SLC14A2: variants seen among roughly 807,000 people sequenced by gnomAD.
SLC14A2 encodes the protein solute carrier family 14 member 2.
Under a neutral mutation model 104.6 loss-of-function variants are expected in SLC14A2, and 91 were observed. The ratio of observed to expected loss-of-function variants is 0.87; its 90% CI spans 0.73 to 1.04. The LOEUF is 1.04. Ranked by LOEUF, SLC14A2 falls within the 50% of genes least tolerant of loss-of-function variation. SLC14A2 has a pLI of 0.00. For missense variants in SLC14A2, 1,189 were observed against 1,156.0 expected, an observed-to-expected ratio of 1.03 and a Z score of -0.41; for synonymous variants, 476 against 466.4, an observed-to-expected ratio of 1.02 and a Z score of -0.27.
chr18:45,327,845 G>A (rs903945436), intron 1 of SLC14A2, among the ~76,000 whole-genome samples: 5 of 152,162 alleles, frequency 3.3e-5, no homozygotes, highest in African/African-American at 9.7e-5. Context: ...AGGAGTGAGC[G>A]AAGGGAATGA....
intron 1 of SLC14A2, among the ~76,000 whole-genome samples, chr18:45,393,925 T>C (rs2086000098): frequency 6.6e-6 from 1 of 152,150 alleles, no homozygotes; most frequent in South Asian, 2.1e-4. Context: ...GACACCTGAG[T>C]CGTCATCATT....
chr18:45,675,683 T>TTCTATATATATATATATCTATATATATA, intron 18 of SLC14A2, among the ~76,000 whole-genome samples: 1 of 105,002 alleles, frequency 9.5e-6, no homozygotes, highest in African/African-American at 4.1e-5. Context: ...CCCAGCTAAT[T>TTCTATATATATATATATCTATATATATA]TCTATATATA....
chr18:45,334,063 T>G (rs2085314645), intron 1 of SLC14A2, among the ~76,000 whole-genome samples: 1 of 152,236 alleles, frequency 6.6e-6, no homozygotes, highest in South Asian at 2.1e-4. Context: ...GCATCCTATT[T>G]GTTCAGCATC....
chr18:45,636,474 T>A (rs2045418112), intron 5 of SLC14A2, among the ~76,000 whole-genome samples: 1 of 152,226 alleles, frequency 6.6e-6, no homozygotes, highest in Admixed American at 6.5e-5. Context: ...AGGTTCTATT[T>A]TCCCCTGGCA....
the SLC14A2 span, among the ~76,000 whole-genome samples, chr18:45,205,330 T>A: frequency 6.6e-6 from 1 of 152,160 alleles, no homozygotes; most frequent in African/African-American, 2.4e-5. Context: ...TTTAAGCCAG[T>A]GTGGGAAGGA....
chr18:45,667,944 A>T lies in SLC14A2; in HGVS notation c.1829A>T (p.Gln610Leu). The T allele has an allele frequency of 1.9e-6, 3 of 1,614,170 alleles. No homozygotes were observed. Among genetic ancestry groups the T allele is most frequent in the Non-Finnish European group, 2.5e-6 (3 of 1,180,010 alleles). ...GILIILGLFIQNPWWAISGCL... is the reference protein window; with the variant it reads ...GILIILGLFILNPWWAISGCL... Reference sequence around the variant, plus strand: ...CTCATCATCCTCGGCCTCTTCATCCAGAACCCCTGGTGGGCGATCTCAGGC... The same window carrying T: ...CTCATCATCCTCGGCCTCTTCATCCTGAACCCCTGGTGGGCGATCTCAGGC... Residue 610 changes from glutamine (Q) to leucine (L), a missense_variant, in exon 14 of 20, where the codon CAG becomes CTG. Gln to Leu is a moderately radical substitution (Grantham distance 113). Coordinates refer to ENST00000255226, the MANE Select transcript of SLC14A2 (RefSeq NM_007163.4).
chr18:45,665,684 GTTTCTTTT>G (rs2046007662), intron 11 of SLC14A2, among the ~76,000 whole-genome samples: 1 of 73,182 alleles, frequency 1.4e-5, no homozygotes, highest in Non-Finnish European at 2.5e-5. Context: ...CAACAACCAA[GTTTCTTTT>G]TTTTTTTTTT....
chr18:45,667,177 T>G (rs1295472290), intron 13 of SLC14A2, 83 bp downstream of exon 13: 1 of 1,117,508 alleles, frequency 8.9e-7, no homozygotes, highest in Non-Finnish European at 1.3e-6. Flanking sequence ...GCCATGGGGG[T>G]TCCCTATAGA....
chr18:45,446,545 A>G (rs1192678376), intron 1 of SLC14A2, among the ~76,000 whole-genome samples: 2 of 152,222 alleles, frequency 1.3e-5, no homozygotes, highest in East Asian at 3.8e-4. Flanking sequence ...AAGTCATCCA[A>G]TTGATGATAT....
At chr18:45,345,943 G>C (rs571238753) in intron 1 of SLC14A2, among the ~76,000 whole-genome samples, 12 of 152,166 alleles carry the variant, frequency 7.9e-5, no homozygotes, top group Non-Finnish European at 1.2e-4. Context: ...GTAAATGAGA[G>C]TTCCCATCAG....
chr18:45,357,612 G>A (rs970601992), intron 1 of SLC14A2, among the ~76,000 whole-genome samples: 5 of 151,996 alleles, frequency 3.3e-5, no homozygotes, highest in Non-Finnish European at 7.4e-5. Context: ...AGGAAGGGGA[G>A]GAAGGAAAAA....
At chr18:45,631,560 C>A (rs2045346578) in intron 4 of SLC14A2, among the ~76,000 whole-genome samples, 1 of 152,258 alleles carries the variant, frequency 6.6e-6, no homozygotes, top group Non-Finnish European at 1.5e-5. Context: ...CAAAGCTAAA[C>A]CAGCTTATTC....
chr18:45,466,938 C>T (rs551281999), intron 1 of SLC14A2, among the ~76,000 whole-genome samples: 49 of 152,058 alleles, frequency 3.2e-4, no homozygotes, highest in East Asian at 3.1e-3. Context: ...ACCCTTCTCC[C>T]GCGGAGCTCT....
At chr18:45,522,934 T>A (rs72902318) in intron 2 of SLC14A2, among the ~76,000 whole-genome samples, 15,510 of 152,218 alleles carry the variant, frequency 0.1, 855 homozygotes, top group Non-Finnish European at 0.12. Flanking sequence ...GGTTCCCATT[T>A]CTGCTAAGTT....
chr18:45,415,321 T>C (rs942597323), intron 1 of SLC14A2, among the ~76,000 whole-genome samples: 47 of 152,268 alleles, frequency 3.1e-4, no homozygotes, highest in African/African-American at 1.1e-3. Flanking sequence ...TGAGCACTTC[T>C]GTATTGCTCA....
At position 45,636,780 on chromosome 18, in the gene SLC14A2, T is replaced by C. The variant is rs1387143207; in HGVS notation, c.651-210T>C. ...AGCTTATGAAGCAGATGACAATAAA[T>C]TGGCAAAAAAAAAAGAAAAAGGTAA... is the stretch of plus-strand genomic sequence containing the variant. On this transcript the variant is annotated intron_variant, in intron 5 of 19. Coordinates refer to ENST00000255226, the MANE Select transcript of SLC14A2 (RefSeq NM_007163.4). 2.0e-5 allele frequency among the ~76,000 whole-genome samples: 3 copies of C among 151,220 alleles called. No individual in the cohort carries two copies. In the South Asian group the frequency reaches 6.2e-4, roughly 31 times the overall value.
chr18:45,323,522 CCTT>C (rs1220277892), intron 1 of SLC14A2, among the ~76,000 whole-genome samples: 1 of 151,988 alleles, frequency 6.6e-6, no homozygotes, highest in East Asian at 1.9e-4. Context: ...TTTTTTCTCT[CCTT>C]CTTTTGATTG....
intron 1 of SLC14A2, among the ~76,000 whole-genome samples, chr18:45,424,520 T>C (rs1316728237): frequency 6.6e-6 from 1 of 152,232 alleles, no homozygotes; most frequent in East Asian, 1.9e-4. Context: ...CCATCAAGGC[T>C]TCACTTCTCC....
the SLC14A2 span, among the ~76,000 whole-genome samples, chr18:45,204,462 TTGA>T: frequency 6.6e-6 from 1 of 152,184 alleles, no homozygotes; most frequent in African/African-American, 2.4e-5. Context: ...GAGTTGGTAT[TTGA>T]TGACCTCTGA....
Sources: gnomAD v4.1 joint callset for allele counts (sites outside exome capture counted in the v4.1 genomes callset) on GRCh38, gnomAD v4.1.1 for gene constraint, MANE v1.5 for transcripts, NCBI Gene and HGNC (gene_info 2026-07-23, HGNC 2026-07-21) for gene names.